Variants in TANC1 observed in about 807,000 individuals in gnomAD.
TANC1 encodes the protein tetratricopeptide repeat, ankyrin repeat and coiled-coil containing 1.
Under a neutral mutation model 149.7 loss-of-function variants are expected in TANC1, and 77 were observed. The observed-to-expected ratio is 0.51, with a 90% CI of 0.43 to 0.62. TANC1 has a LOEUF of 0.62. Ranked by LOEUF, TANC1 falls within the 20% of genes least tolerant of loss-of-function variation. TANC1 has a pLI of 0.00. For missense variants in TANC1, 1,985 were observed against 2,321.8 expected (o/e 0.85, Z 2.98); for synonymous variants, 854 against 925.0 (o/e 0.92, Z 1.39).
At chr2:159,190,195 A>G (rs1334619447) in intron 16 of TANC1, among the ~76,000 whole-genome samples, 1 of 152,234 alleles carries the variant, frequency 6.6e-6, no homozygotes, top group Non-Finnish European at 1.5e-5. Context: ...TCTGAAAATC[A>G]CACAGTAGGT....
intron 14 of TANC1, among the ~76,000 whole-genome samples, chr2:159,182,421 A>T (rs919894460): frequency 6.6e-6 from 1 of 152,222 alleles, no homozygotes; most frequent in African/African-American, 2.4e-5. Context: ...AATTCTTAAT[A>T]ATCTTAAACA....
At chr2:159,098,745 C>A (rs888586687) in intron 4 of TANC1, among the ~76,000 whole-genome samples, 1 of 151,964 alleles carries the variant, frequency 6.6e-6, no homozygotes, top group Non-Finnish European at 1.5e-5. Context: ...CCAAAAAAAA[C>A]AAAACAGAAC....
intron 16 of TANC1, among the ~76,000 whole-genome samples, chr2:159,192,935 C>T (rs920345589): frequency 1.6e-4 from 25 of 152,224 alleles, no homozygotes; most frequent in Admixed American, 8.5e-4. Context: ...CAGGCATGAG[C>T]CACCTTGCCT....
chr2:159,011,235 A>C (rs1352721980), intron 2 of TANC1, among the ~76,000 whole-genome samples: 1 of 152,214 alleles, frequency 6.6e-6, no homozygotes, highest in Non-Finnish European at 1.5e-5. Flanking sequence ...GGTTTACATG[A>C]AATGAAAAAA....
intron 19 of TANC1, among the ~76,000 whole-genome samples, chr2:159,213,443 C>T (rs950036988): frequency 4.0e-5 from 6 of 151,618 alleles, no homozygotes; most frequent in Admixed American, 3.3e-4. Context: ...CTCAGTGCCT[C>T]GGTATGTAAA....
intron 5 of TANC1, among the ~76,000 whole-genome samples, chr2:159,140,347 GCAGTGCAACATTCAAC>G (rs1559334123): frequency 6.6e-6 from 1 of 152,078 alleles, no homozygotes; most frequent in East Asian, 1.9e-4. Context: ...TCTTAGAATG[GCAGTGCAACATTCAAC>G]CAATGGTTGA....
At chr2:159,080,178 G>T (rs2149786433) in intron 3 of TANC1, among the ~76,000 whole-genome samples, 2 of 152,292 alleles carry the variant, frequency 1.3e-5, no homozygotes, top group African/African-American at 4.8e-5. Flanking sequence ...GGCTAGCTCT[G>T]TAGGCTCGGA....
chr2:159,197,781 T>C (rs184540072), intron 18 of TANC1, among the ~76,000 whole-genome samples: 3 of 152,276 alleles, frequency 2.0e-5, no homozygotes, highest in Admixed American at 1.3e-4. Flanking sequence ...TGGGAGGAAA[T>C]GCTGAGCGAA....
At chr2:159,105,831 T>C (rs1278402786) in intron 4 of TANC1, among the ~76,000 whole-genome samples, 1 of 152,242 alleles carries the variant, frequency 6.6e-6, no homozygotes, top group Non-Finnish European at 1.5e-5. Flanking sequence ...AGATGAATTA[T>C]TATATTCTTA....
intron 2 of TANC1, among the ~76,000 whole-genome samples, chr2:159,039,855 T>C (rs1172506329): frequency 6.6e-6 from 1 of 152,216 alleles, no homozygotes; most frequent in Non-Finnish European, 1.5e-5. Flanking sequence ...GTTCTGTAGA[T>C]GTCTATTAGG....
At chr2:158,992,098 C>T (rs1409684871) in intron 1 of TANC1, among the ~76,000 whole-genome samples, 6 of 152,062 alleles carry the variant, frequency 3.9e-5, no homozygotes, top group Non-Finnish European at 8.8e-5. Flanking sequence ...TGTGGTGGCT[C>T]ATGTCTGTAA....
chr2:159,081,581 C>T (rs1459538409), intron 3 of TANC1, among the ~76,000 whole-genome samples: 2 of 152,016 alleles, frequency 1.3e-5, no homozygotes, highest in South Asian at 2.1e-4. Flanking sequence ...AAAAAGAAAA[C>T]GGGCAACTGT....
At chr2:159,219,005 T>C (rs1433362087) in intron 20 of TANC1, among the ~76,000 whole-genome samples, 3 of 152,232 alleles carry the variant, frequency 2.0e-5, no homozygotes, top group African/African-American at 7.2e-5. Flanking sequence ...TATGTGTATA[T>C]TTAGTTGATA....
intron 15 of TANC1, among the ~76,000 whole-genome samples, chr2:159,186,623 G>A (rs1368017813): frequency 1.3e-5 from 2 of 152,122 alleles, no homozygotes; most frequent in African/African-American, 2.4e-5. Flanking sequence ...CAGCCTGGGC[G>A]ACACAGCAAG....
intron 19 of TANC1, among the ~76,000 whole-genome samples, chr2:159,201,052 G>A (rs964582318): frequency 2.0e-5 from 3 of 152,024 alleles, no homozygotes; most frequent in Admixed American, 2.0e-4. Flanking sequence ...GCTAAGTGCT[G>A]TTTTTCAGGC....
At chr2:159,127,563 C>T (rs1455688608) in intron 4 of TANC1, among the ~76,000 whole-genome samples, 1 of 152,198 alleles carries the variant, frequency 6.6e-6, no homozygotes, top group Non-Finnish European at 1.5e-5. Flanking sequence ...CCCAAATGCC[C>T]ATCAATGATA....
intron 1 of TANC1, among the ~76,000 whole-genome samples, chr2:158,990,838 C>T (rs950871647): frequency 2.6e-5 from 4 of 151,952 alleles, no homozygotes; most frequent in African/African-American, 7.3e-5. Flanking sequence ...TTTGGGAGGC[C>T]AGGGTGGGCG....
rs146778655 is a variant in TANC1 at position 159,104,981 on chromosome 2, C to CTTTTTT, written c.259+7173_259+7178dup. 1.4e-4 allele frequency among the ~76,000 whole-genome samples: 6 copies of CTTTTTT among 43,386 alleles called. 2 individuals are homozygous for CTTTTTT. The highest frequency in any genetic ancestry group is 2.1e-4 in the African/African-American group (3 of 14,020). The allele number at this position is 43,386 out of a possible 152,430, so 28.5% of individuals were successfully genotyped here. ...AACATTTCTGATTGTTGGATATTTG[C>CTTTTTT]TTTTTTTTTTTTTTTTTTTTTTTTT... On this transcript the variant is annotated intron_variant, in intron 4 of 26. Coordinates refer to ENST00000263635, the MANE Select transcript of TANC1 (RefSeq NM_033394.3).
chr2:158,982,316 C>CT (rs1406315967), intron 1 of TANC1, among the ~76,000 whole-genome samples: 1 of 152,058 alleles, frequency 6.6e-6, no homozygotes, highest in African/African-American at 2.4e-5. Context: ...ATATACACTC[C>CT]TTTTTTCTCC....
Sources: allele counts gnomAD v4.1 joint callset (sites outside exome capture counted in the v4.1 genomes callset), GRCh38; gene constraint gnomAD v4.1.1; transcripts MANE v1.5; gene names NCBI Gene and HGNC (gene_info 2026-07-23, HGNC 2026-07-21).